MTMR3: variants seen among roughly 807,000 people sequenced by gnomAD.
MTMR3 encodes the protein phosphatidylinositol-3,5-bisphosphate 3-phosphatase MTMR3.
A neutral mutation model predicts 132.4 loss-of-function variants in MTMR3; 32 were observed. That is an observed-to-expected ratio of 0.24 (90% confidence interval 0.18 to 0.32). The LOEUF is 0.32. Ranked by LOEUF, MTMR3 falls within the 10% of genes least tolerant of loss-of-function variation. The pLI is 1.00. For missense variants in MTMR3, 1,216 were observed against 1,489.6 expected (o/e 0.82, Z 3.02); for synonymous variants, 556 against 550.3 (o/e 1.01, Z -0.14).
At chr22:29,926,395 A>G (rs1272980046) in intron 1 of MTMR3, among the ~76,000 whole-genome samples, 1 of 152,174 alleles carries the variant, frequency 6.6e-6, no homozygotes, top group African/African-American at 2.4e-5. Flanking sequence ...TTTCTTGGGT[A>G]TATACCTAGG....
rs1198131923 is a variant in MTMR3 at position 30,027,889 on chromosome 22, C to T, written c.*2088C>T. 3 of 152,262 alleles carry T rather than the reference C, an allele frequency of 2.0e-5. No individual in the cohort carries two copies. The highest frequency in any genetic ancestry group is 2.9e-5 in the Non-Finnish European group (2 of 68,028). 9.4% of individuals were successfully genotyped at this position (152,262 alleles called of 1,614,324 possible). On this transcript the variant is annotated 3_prime_UTR_variant, in exon 20 of 20. Transcript: ENST00000401950. ...TTGCTAACACTTCCTAATTCTTTGCCCTGTGGTTTATCCCCTCTTCGTCCC... is the reference window on the plus strand; with the variant it reads ...TTGCTAACACTTCCTAATTCTTTGCTCTGTGGTTTATCCCCTCTTCGTCCC...
chr22:30,022,021 G>T lies in MTMR3; in HGVS notation c.3226-8G>T, dbSNP rs745333288. On this transcript the variant is annotated splice_polypyrimidine_tract_variant and splice_region_variant and intron_variant, in intron 17 of 19. Transcript: ENST00000401950. Reference sequence around the variant, plus strand: ...TCATTCTGTTCAGCTGTGTTTGTTTGCCAACAGACTTCAATCCCCGACTCG... The same window carrying T: ...TCATTCTGTTCAGCTGTGTTTGTTTTCCAACAGACTTCAATCCCCGACTCG... The T allele has an allele frequency of 6.2e-7, 1 of 1,606,184 alleles. No homozygotes were observed.
intron 2 of MTMR3, among the ~76,000 whole-genome samples, chr22:29,967,526 A>G (rs1178850288): frequency 1.3e-5 from 2 of 150,102 alleles, no homozygotes; most frequent in African/African-American, 4.9e-5. Flanking sequence ...GCCACTGCAC[A>G]TGGCTTCTGT....
At chr22:29,913,256 A>G (rs1361497155) in intron 1 of MTMR3, among the ~76,000 whole-genome samples, 1 of 152,148 alleles carries the variant, frequency 6.6e-6, no homozygotes, top group Non-Finnish European at 1.5e-5. Flanking sequence ...CAAAACAAAA[A>G]CAGAAACAAA....
intron 1 of MTMR3, among the ~76,000 whole-genome samples, chr22:29,887,081 C>T (rs1244580389): frequency 6.6e-6 from 1 of 152,136 alleles, no homozygotes; most frequent in African/African-American, 2.4e-5. Context: ...TATTTTTAAT[C>T]TTAATTTTGT....
chr22:29,967,950 TTTTG>T (rs1414742605), intron 2 of MTMR3, among the ~76,000 whole-genome samples: 11 of 152,182 alleles, frequency 7.2e-5, no homozygotes, highest in East Asian at 5.8e-4. Context: ...TGTGTGTATT[TTTTG>T]TTTGTTTATC....
intron 12 of MTMR3, chr22:30,010,340 A>T (rs1365898578): frequency 6.6e-6 from 1 of 152,240 alleles, no homozygotes; most frequent in Non-Finnish European, 1.5e-5. Context: ...GAGCTATCAG[A>T]GTCAAAAAAG....
At chr22:30,014,218 A>G (rs1016087521) in intron 14 of MTMR3, 2 of 152,054 alleles carry the variant, frequency 1.3e-5, no homozygotes, top group African/African-American at 4.8e-5. Flanking sequence ...TCTTAAACCC[A>G]CTTCAATCAG....
rs530023066 is a variant in MTMR3, at chr22:30,023,886, T to C, written c.3425+1189T>C. 2.7e-3 allele frequency: 604 copies of C among 223,180 alleles called. 4 individuals carry two copies. The highest frequency in any genetic ancestry group is 0.013 in the African/African-American group (577 of 42,920). 13.8% of individuals were successfully genotyped at this position (223,180 alleles called of 1,614,324 possible). A position where few individuals can be genotyped will look rare whatever the true frequency, so the allele number is the denominator to read the frequency against. ...CTTCTTTTTTCCCTTTTTTTTTTTT[T>C]TTTAAGAGACCAGGACTGAACAGAG... On this transcript the variant is annotated intron_variant, in intron 19 of 19. Coordinates refer to ENST00000401950, the MANE Select transcript of MTMR3 (RefSeq NM_021090.4).
intron 2 of MTMR3, among the ~76,000 whole-genome samples, chr22:29,966,436 G>C (rs1028991297): frequency 1.3e-5 from 2 of 151,882 alleles, no homozygotes; most frequent in Non-Finnish European, 2.9e-5. Flanking sequence ...CTTCTATGTC[G>C]GTCTTTTGTC....
intron 7 of MTMR3, chr22:29,995,860 T>C (rs895080537): frequency 1.3e-5 from 2 of 152,236 alleles, no homozygotes; most frequent in African/African-American, 4.8e-5. Context: ...ATTCCTGATG[T>C]ATGTAATGAT....
At position 30,025,704 on chromosome 22, in the gene MTMR3, C is replaced by T; in HGVS notation, c.3500C>T (p.Pro1167Leu). Reference sequence around the variant, plus strand: ...GTTCCCAGCCAGCAGCTCTTTGAACCCAGTCGAGTATGCAAGTCTTGCTAT... The same window carrying T: ...GTTCCCAGCCAGCAGCTCTTTGAACTCAGTCGAGTATGCAAGTCTTGCTAT... The part of the protein sequence containing the change: ...VPVPSQQLFE[P>L]SRVCKSCYSS... Residue 1167 changes from proline (P) to leucine (L), a missense_variant, in exon 20 of 20, where the codon CCC becomes CTC. By Grantham distance (98) the Pro-to-Leu change is moderately conservative (BLOSUM62 -3). Transcript: ENST00000401950. 1 of 1,614,146 alleles carries T rather than the reference C, an allele frequency of 6.2e-7. No homozygotes were observed. The highest frequency in any genetic ancestry group is 8.5e-7 in the Non-Finnish European group (1 of 1,179,992).
intron 1 of MTMR3, among the ~76,000 whole-genome samples, chr22:29,952,119 A>G (rs774598104): frequency 3.3e-5 from 5 of 151,984 alleles, no homozygotes; most frequent in African/African-American, 9.7e-5. Context: ...TCGAACTCCT[A>G]GGCTGAAGCC....
intron 1 of MTMR3, among the ~76,000 whole-genome samples, chr22:29,890,717 G>GT (rs746453099): frequency 3.0e-4 from 46 of 152,206 alleles, no homozygotes; most frequent in Non-Finnish European, 4.3e-4. Flanking sequence ...ACAGTTTTCT[G>GT]TTTCTTTTTC....
At chr22:29,935,998 C>T (rs2065743542) in intron 1 of MTMR3, among the ~76,000 whole-genome samples, 1 of 151,438 alleles carries the variant, frequency 6.6e-6, no homozygotes, top group African/African-American at 2.4e-5. Context: ...ATGATCCGCC[C>T]TCTTTGGCCT....
intron 1 of MTMR3, among the ~76,000 whole-genome samples, chr22:29,884,718 A>C (rs1347578861): frequency 6.6e-6 from 1 of 152,016 alleles, no homozygotes; most frequent in Non-Finnish European, 1.5e-5. Context: ...GTGCGCCACC[A>C]CGGCTGGCTA....
intron 7 of MTMR3, chr22:29,996,561 ATCAT>A (rs1414583094): frequency 6.6e-6 from 1 of 152,218 alleles, no homozygotes. Flanking sequence ...AAAAAAATAA[ATCAT>A]TAATGAAATA....
intron 1 of MTMR3, among the ~76,000 whole-genome samples, chr22:29,945,959 G>T (rs2065944323): frequency 1.3e-5 from 2 of 152,034 alleles, no homozygotes; most frequent in Admixed American, 1.3e-4. Context: ...AGTGTTAAAA[G>T]ATTTGACCAG....
At chr22:30,012,684 A>G (rs1418089901) in intron 13 of MTMR3, 121 bp downstream of exon 13, 11 of 1,121,086 alleles carry the variant, frequency 9.8e-6, no homozygotes, top group Admixed American at 2.6e-5. Context: ...TGTTTTGGTC[A>G]TTGTTCCTTT....
Sources: gnomAD v4.1 joint callset for allele counts (sites outside exome capture counted in the v4.1 genomes callset) on GRCh38, gnomAD v4.1.1 for gene constraint, MANE v1.5 for transcripts, NCBI Gene and HGNC (gene_info 2026-07-23, HGNC 2026-07-21) for gene names.